FMN2: variants seen among roughly 807,000 people sequenced by gnomAD.
The protein encoded by FMN2 is formin 2.
In FMN2, 51 loss-of-function variants were observed where a neutral mutation model predicts 142.3. The observed-to-expected ratio is 0.36, with a 90% CI of 0.29 to 0.45. FMN2 has a LOEUF of 0.45. Ranked by LOEUF, FMN2 falls within the 20% of genes least tolerant of loss-of-function variation. FMN2 has a pLI of 1.00. For synonymous variants in FMN2, 882 were observed against 869.8 expected, an observed-to-expected ratio of 1.01 and a Z score of -0.25; for missense variants, 1,936 against 2,122.8, an observed-to-expected ratio of 0.91 and a Z score of 1.73.
chr1:240,262,893 T>G (rs959807555), intron 7 of FMN2, among the ~76,000 whole-genome samples: 26 of 151,572 alleles, frequency 1.7e-4, no homozygotes, highest in African/African-American at 6.3e-4. Context: ...CCCGAGTAGC[T>G]GGGATTACAG....
At chr1:240,283,101 G>C (rs1237731158) in intron 7 of FMN2, among the ~76,000 whole-genome samples, 1 of 152,208 alleles carries the variant, frequency 6.6e-6, no homozygotes, top group African/African-American at 2.4e-5. Context: ...TAAAGATTGA[G>C]GGATGATAGT....
intron 2 of FMN2, among the ~76,000 whole-genome samples, chr1:240,166,904 C>T (rs1269383173): frequency 6.6e-6 from 1 of 152,086 alleles, no homozygotes; most frequent in African/African-American, 2.4e-5. Context: ...GGCGGATAAC[C>T]TGAGGTCAGG....
rs553325716 is a variant in FMN2, at chr1:240,116,427, G to A, written c.1616-6752G>A. Among the ~76,000 whole-genome samples, 29 of 152,312 alleles carry A rather than the reference G, an allele frequency of 1.9e-4. No homozygotes were observed. In the South Asian group the frequency reaches 3.1e-3, roughly 16 times the overall value. On this transcript the variant is annotated intron_variant, in intron 1 of 17. Transcript: ENST00000319653. ...TGTGGGGTGAGCCAGGAAGCACTCC[G>A]ACATTGCCGTGTTGGGTAGAGAAGC...
At chr1:240,137,186 T>G (rs1662980097) in intron 2 of FMN2, among the ~76,000 whole-genome samples, 1 of 150,568 alleles carries the variant, frequency 6.6e-6, no homozygotes, top group Non-Finnish European at 1.5e-5. Context: ...TTGTTTTTTG[T>G]TTTTTTTTAG....
intron 6 of FMN2, among the ~76,000 whole-genome samples, chr1:240,226,402 G>A (rs1476383171): frequency 6.6e-6 from 1 of 152,168 alleles, no homozygotes; most frequent in Non-Finnish European, 1.5e-5. Flanking sequence ...TACTGAAAGC[G>A]AAATGTTCAA....
intron 11 of FMN2, among the ~76,000 whole-genome samples, chr1:240,331,818 C>T (rs1216134132): frequency 1.3e-5 from 2 of 152,114 alleles, no homozygotes; most frequent in Admixed American, 1.3e-4. Context: ...CTTACCTCAG[C>T]CTACAGTTGG....
intron 15 of FMN2, among the ~76,000 whole-genome samples, chr1:240,402,885 T>G (rs1674036544): frequency 6.6e-6 from 1 of 152,208 alleles, no homozygotes. Context: ...CTTGAAATTT[T>G]TCTTCAGACT....
chr1:240,443,282 T>C (rs2103191094), intron 16 of FMN2, among the ~76,000 whole-genome samples: 1 of 152,348 alleles, frequency 6.6e-6, no homozygotes, highest in South Asian at 2.1e-4. Flanking sequence ...TCAAGTGATC[T>C]TGTCACGAAT....
intron 16 of FMN2, among the ~76,000 whole-genome samples, chr1:240,442,646 G>A (rs1016276642): frequency 3.9e-5 from 6 of 152,124 alleles, no homozygotes; most frequent in South Asian, 2.1e-4. Flanking sequence ...GAAAAATATC[G>A]TTAAGGTTTT....
intron 4 of FMN2, among the ~76,000 whole-genome samples, chr1:240,189,460 C>T (rs1665617130): frequency 6.6e-6 from 1 of 152,148 alleles, no homozygotes; most frequent in South Asian, 2.1e-4. Flanking sequence ...GGGTTCTTCT[C>T]TGTAAAATTA....
intron 4 of FMN2, among the ~76,000 whole-genome samples, chr1:240,195,400 TCTAATGTTC>T: frequency 6.6e-6 from 1 of 152,236 alleles, no homozygotes; most frequent in Non-Finnish European, 1.5e-5. Context: ...TGCCGTGTTG[TCTAATGTTC>T]CTACGTGCAA....
intron 1 of FMN2, among the ~76,000 whole-genome samples, chr1:240,094,238 G>A (rs1167970200): frequency 1.3e-5 from 2 of 152,216 alleles, no homozygotes; most frequent in Non-Finnish European, 2.9e-5. Flanking sequence ...GTATGTATGT[G>A]ATATGTAGTT....
chr1:240,369,580 G>T (rs542358953), intron 14 of FMN2, among the ~76,000 whole-genome samples: 1 of 152,168 alleles, frequency 6.6e-6, no homozygotes, highest in African/African-American at 2.4e-5. Flanking sequence ...TTGTCTGTGT[G>T]AACATATCTT....
chr1:240,192,881 A>G (rs973525807), intron 4 of FMN2, among the ~76,000 whole-genome samples: 2 of 152,122 alleles, frequency 1.3e-5, no homozygotes, highest in African/African-American at 4.8e-5. Context: ...TATTCTGTAG[A>G]AACTCCAAGG....
At chr1:240,184,531 T>TC (rs1179761728) in intron 3 of FMN2, among the ~76,000 whole-genome samples, 1 of 151,390 alleles carries the variant, frequency 6.6e-6, no homozygotes, top group Non-Finnish European at 1.5e-5. Context: ...TTTTTTTTTT[T>TC]TTTTTTTTAA....
At chr1:240,251,576 G>T (rs955266896) in intron 6 of FMN2, among the ~76,000 whole-genome samples, 5 of 152,164 alleles carry the variant, frequency 3.3e-5, no homozygotes, top group Admixed American at 3.3e-4. Context: ...GTAAATGTCT[G>T]TTAGGTCCAT....
intron 16 of FMN2, among the ~76,000 whole-genome samples, chr1:240,438,617 T>G (rs1014337790): frequency 5.9e-5 from 9 of 152,352 alleles, no homozygotes; most frequent in African/African-American, 2.2e-4. Flanking sequence ...AGTTTACCAC[T>G]CATATCAAAA....
Position 240,117,198 on chromosome 1 carries a change from T to C in FMN2, c.1616-5981T>C, listed in dbSNP as rs897923089. On this transcript the variant is annotated intron_variant, in intron 1 of 17. Transcript: ENST00000319653. ...TGAGCATTTTTGCATATTTGGAATT[T>C]GTCTCAGATTCTTCCATTGTCTCAG... 4.6e-5 allele frequency among the ~76,000 whole-genome samples: 7 copies of C among 152,210 alleles called. No individual in the cohort carries two copies. The South Asian group carries it at 1.2e-3, about 27-fold the overall frequency.
At chr1:240,315,109 G>T (rs1174536253) in intron 8 of FMN2, among the ~76,000 whole-genome samples, 1 of 152,118 alleles carries the variant, frequency 6.6e-6, no homozygotes, top group African/African-American at 2.4e-5. Flanking sequence ...ATGTTCACTA[G>T]GCTGTCTTCA....
Sources: allele counts gnomAD v4.1 joint callset (sites outside exome capture counted in the v4.1 genomes callset), GRCh38; gene constraint gnomAD v4.1.1; transcripts MANE v1.5; gene names NCBI Gene and HGNC (gene_info 2026-07-23, HGNC 2026-07-21).